The following PLEKHF2 variants were observed in gnomAD, a reference collection of about 807,000 sequenced individuals.
PLEKHF2 encodes the protein pleckstrin homology and FYVE domain containing 2.
PLEKHF2 carries 4 observed loss-of-function variants against 14.7 expected under a neutral mutation model. That is an observed-to-expected ratio of 0.27 (90% CI 0.13 to 0.62). The LOEUF (loss-of-function observed/expected upper bound fraction) is 0.62, where lower values mean the gene tolerates loss of function less well. Ranked by LOEUF, PLEKHF2 falls within the 20% of genes least tolerant of loss-of-function variation. The pLI, the probability that PLEKHF2 is intolerant of heterozygous loss-of-function variation, is 0.85. For missense variants in PLEKHF2, 201 were observed against 307.7 expected (o/e 0.65, Z 2.60); for synonymous variants, 90 against 103.5 (o/e 0.87, Z 0.79).
chr8:95,141,704 TG>T (rs1341755062), intron 1 of PLEKHF2, among the ~76,000 whole-genome samples: 21 of 140,158 alleles, frequency 1.5e-4, no homozygotes, highest in African/African-American at 4.8e-4. Flanking sequence ...TTTTGTGTTT[TG>T]TTTTTTTTTT....
intron 1 of PLEKHF2, among the ~76,000 whole-genome samples, chr8:95,138,877 C>T (rs1810407865): frequency 6.6e-6 from 1 of 152,148 alleles, no homozygotes; most frequent in Admixed American, 6.5e-5. Flanking sequence ...CAGTGAACTT[C>T]ATGTGAACAA....
chr8:95,137,609 G>T (rs1221636174), intron 1 of PLEKHF2, among the ~76,000 whole-genome samples: 1 of 152,256 alleles, frequency 6.6e-6, no homozygotes, highest in Non-Finnish European at 1.5e-5. Flanking sequence ...GTAAAATGCA[G>T]AGGGGTTAGC....
intron 1 of PLEKHF2, among the ~76,000 whole-genome samples, chr8:95,135,654 G>C (rs1206332337): frequency 1.3e-5 from 2 of 152,134 alleles, no homozygotes; most frequent in Admixed American, 1.3e-4. Flanking sequence ...AATTCTTTTA[G>C]TTTTGCTTCA....
chr8:95,138,999 A>AT (rs1810410071), intron 1 of PLEKHF2, among the ~76,000 whole-genome samples: 1 of 152,236 alleles, frequency 6.6e-6, no homozygotes, highest in Non-Finnish European at 1.5e-5. Flanking sequence ...TCCAGTGTAT[A>AT]TACAGTATTG....
chr8:95,149,987 G>T (rs1435288859), intron 1 of PLEKHF2, among the ~76,000 whole-genome samples: 4 of 152,092 alleles, frequency 2.6e-5, no homozygotes, highest in Non-Finnish European at 5.9e-5. Flanking sequence ...TGGGCTTAAG[G>T]GGAAGGGAGA....
chr8:95,154,268 A>G lies in PLEKHF2; in HGVS notation c.224A>G (p.Asn75Ser). Residue 75 changes from asparagine to serine, a missense_variant, in exon 2 of 2, where the codon AAC becomes AGC. Transcript: ENST00000315367. The surrounding 1 kb of genome is among the most constrained non-coding windows in gnomAD (Gnocchi z 5.6). ...GNIVIQKKKY[N>S]KQHIIPLENV... ...ATTGTCATCCAGAAGAAAAAATATA[A>G]CAAACAACATATTATTCCCCTGGAA... The G allele has an allele frequency of 6.2e-7, 1 of 1,613,870 alleles. No individual in the cohort carries two copies. Among genetic ancestry groups the G allele is most frequent in the South Asian group, 1.1e-5 (1 of 91,078 alleles).
chr8:95,137,749 ACACTT>A lies in PLEKHF2; in HGVS notation c.-15+3724_-15+3728del, dbSNP rs10582775. 5.9e-3 allele frequency among the ~76,000 whole-genome samples: 900 copies of A among 152,350 alleles called. 9 individuals carry two copies. The highest frequency in any genetic ancestry group is 0.021 in the African/African-American group (859 of 41,578). On this transcript the variant is annotated intron_variant, in intron 1 of 1. Transcript: ENST00000315367. Reference sequence around the variant, plus strand: ...GGCCAGAATGGCCACATTTGGAACTACACTTCACTAACTCCGGTGACCCCCACTGC... The same window carrying A: ...GGCCAGAATGGCCACATTTGGAACTACACTAACTCCGGTGACCCCCACTGC...
Sources: gnomAD v4.1 joint callset for allele counts (sites outside exome capture counted in the v4.1 genomes callset) on GRCh38, gnomAD v4.1.1 for gene constraint, Gnocchi (gnomAD v3.1) non-coding constraint, MANE v1.5 for transcripts, NCBI Gene and HGNC (gene_info 2026-07-23, HGNC 2026-07-21) for gene names.